Variants in KCNK1 observed in about 807,000 individuals in gnomAD.
KCNK1 encodes the protein potassium two pore domain channel subfamily K member 1.
Under a neutral mutation model 22.2 loss-of-function variants are expected in KCNK1, and 10 were observed. The observed-to-expected ratio is 0.45, with a 90% CI of 0.28 to 0.76. The LOEUF (loss-of-function observed/expected upper bound fraction) is 0.76, where lower values mean the gene tolerates loss of function less well. Ranked by LOEUF, KCNK1 falls within the 30% of genes least tolerant of loss-of-function variation. KCNK1 has a pLI of 0.14. For synonymous variants in KCNK1, 200 were observed against 186.4 expected (o/e 1.07, Z -0.60); for missense variants, 378 against 421.0 (o/e 0.90, Z 0.89).
intron 1 of KCNK1, among the ~76,000 whole-genome samples, chr1:233,663,359 C>T (rs994746664): frequency 6.6e-6 from 1 of 152,042 alleles, no homozygotes; most frequent in African/African-American, 2.4e-5. Context: ...GTCTTAGAGT[C>T]TTATAATGAT....
At chr1:233,662,238 C>T (rs148851492) in intron 1 of KCNK1, among the ~76,000 whole-genome samples, 13 of 149,572 alleles carry the variant, frequency 8.7e-5, no homozygotes, top group East Asian at 4.0e-4. Flanking sequence ...TTCTTCTTCT[C>T]CTTCTTCTTC....
chr1:233,643,635 CACCAGGTCTTAG>C (rs1308551928), intron 1 of KCNK1, among the ~76,000 whole-genome samples: 2 of 151,948 alleles, frequency 1.3e-5, no homozygotes, highest in Admixed American at 6.6e-5. Context: ...GTGGGCTGCC[CACCAGGTCTTAG>C]ACCAGGTTGG....
At chr1:233,643,373 C>CA (rs1658036350) in intron 1 of KCNK1, among the ~76,000 whole-genome samples, 1 of 152,132 alleles carries the variant, frequency 6.6e-6, no homozygotes, top group Admixed American at 6.5e-5. Flanking sequence ...CTGGTCCACT[C>CA]ACTACACTCT....
intron 1 of KCNK1, among the ~76,000 whole-genome samples, chr1:233,666,071 A>G (rs1658483566): frequency 6.6e-6 from 1 of 151,988 alleles, no homozygotes; most frequent in East Asian, 1.9e-4. Context: ...CTCTTACTGG[A>G]CTCATATTAT....
intron 1 of KCNK1, among the ~76,000 whole-genome samples, chr1:233,623,145 A>G (rs900827096): frequency 2.0e-5 from 3 of 152,184 alleles, no homozygotes; most frequent in Admixed American, 2.0e-4. Flanking sequence ...AGTTTTTCTA[A>G]TGCACTAACT....
intron 2 of KCNK1, among the ~76,000 whole-genome samples, chr1:233,670,520 T>A (rs753709477): frequency 6.6e-6 from 1 of 152,158 alleles, no homozygotes; most frequent in Non-Finnish European, 1.5e-5. Context: ...CTCACAATCA[T>A]GGTGGAAGGC....
chr1:233,626,487 C>A (rs1270884087), intron 1 of KCNK1, among the ~76,000 whole-genome samples: 1 of 152,120 alleles, frequency 6.6e-6, no homozygotes, highest in Non-Finnish European at 1.5e-5. Context: ...ACAGTGCCTT[C>A]TGTTGGTACA....
rs796774639 is a variant in KCNK1, at chr1:233,667,130, G to A, written c.751+140G>A. The A allele has an allele frequency of 6.9e-5, 39 of 563,904 alleles. No homozygotes were observed. In the African/African-American group the frequency reaches 7.0e-4, roughly 10 times the overall value. 34.9% of individuals were successfully genotyped at this position (563,904 alleles called of 1,614,324 possible). A position where few individuals can be genotyped will look rare whatever the true frequency, so the allele number is the denominator to read the frequency against. ...GCGATCTTGGCTCACTGCAACCTCC[G>A]CCTTCCGGGTTCAAGGGATTCTCTG... On this transcript the variant is annotated intron_variant, in intron 2 of 2. Transcript: ENST00000366621.
intron 1 of KCNK1, among the ~76,000 whole-genome samples, chr1:233,653,505 T>G (rs189993017): frequency 2.1e-4 from 32 of 152,294 alleles, no homozygotes; most frequent in Admixed American, 1.3e-3. Context: ...TGGAAGAGAT[T>G]AGCATTTGAA....
intron 1 of KCNK1, among the ~76,000 whole-genome samples, chr1:233,642,735 C>T (rs189830642): frequency 7.6e-4 from 116 of 152,104 alleles, no homozygotes; most frequent in African/African-American, 2.7e-3. Flanking sequence ...GCAATGAATT[C>T]GGGAAATCAT....
chr1:233,648,721 C>T (rs1471413877), intron 1 of KCNK1, among the ~76,000 whole-genome samples: 1 of 152,106 alleles, frequency 6.6e-6, no homozygotes, highest in Admixed American at 6.5e-5. Context: ...CGCGCACCAC[C>T]ACACCCGGCT....
intron 1 of KCNK1, among the ~76,000 whole-genome samples, chr1:233,659,582 T>C (rs1391886581): frequency 6.6e-6 from 1 of 151,402 alleles, no homozygotes; most frequent in Non-Finnish European, 1.5e-5. Context: ...ATACATACAC[T>C]ATAATCGTAT....
At chr1:233,627,357 A>G (rs914431205) in intron 1 of KCNK1, among the ~76,000 whole-genome samples, 17 of 152,228 alleles carry the variant, frequency 1.1e-4, no homozygotes, top group African/African-American at 2.4e-5. Flanking sequence ...CACATTCTTC[A>G]AATGTTTGAA....
chr1:233,614,143 CGTTGGCCTTGGCGGCGGCGGT>C lies in KCNK1; in HGVS notation c.-27_-7del. ...GGGCCGCGCTCCGGCCGGTCTGCGG[CGTTGGCCTTGGCGGCGGCGGT>C]GGAGAAGATGCTGCAGTCCCTGGCC... is the stretch of plus-strand genomic sequence containing the variant. On this transcript the variant is annotated 5_prime_UTR_variant, in exon 1 of 3. Coordinates refer to ENST00000366621, the MANE Select transcript of KCNK1 (RefSeq NM_002245.4). 6.6e-7 allele frequency: 1 copy of C among 1,515,364 alleles called. No individual in the cohort carries two copies. Among genetic ancestry groups the C allele is most frequent in the Non-Finnish European group, 8.8e-7 (1 of 1,135,252 alleles). 93.9% of individuals were successfully genotyped at this position (1,515,364 alleles called of 1,614,324 possible).
At position 233,641,047 on chromosome 1, in the gene KCNK1, C is replaced by T. The variant is rs188101833; in HGVS notation, c.356-25548C>T. ...TCTCATAGGCGATGCCCGAGGGTGT[C>T]GGTCTAAATTGGCATCTCTCTTAAA... is the stretch of plus-strand genomic sequence containing the variant. On this transcript the variant is annotated intron_variant, in intron 1 of 2. Transcript: ENST00000366621. Among the ~76,000 whole-genome samples the T allele has an allele frequency of 9.3e-4, 142 of 152,232 alleles. 1 individual carries two copies. The highest frequency in any genetic ancestry group is 1.5e-3 in the Non-Finnish European group (103 of 68,022).
intron 1 of KCNK1, chr1:233,637,488 A>G (rs112635076): frequency 6.6e-6 from 1 of 152,176 alleles, no homozygotes; most frequent in East Asian, 1.9e-4. Context: ...ATACATACCA[A>G]TTTTTCTGCC....
chr1:233,655,004 C>T (rs1204288348), intron 1 of KCNK1, among the ~76,000 whole-genome samples: 1 of 152,102 alleles, frequency 6.6e-6, no homozygotes, highest in Non-Finnish European at 1.5e-5. Context: ...CCCCAGCAGC[C>T]CCAGACCTGT....
chr1:233,655,980 C>A (rs1017985489), intron 1 of KCNK1, among the ~76,000 whole-genome samples: 2 of 151,824 alleles, frequency 1.3e-5, no homozygotes, highest in Non-Finnish European at 2.9e-5. Context: ...TGCTTCTCAT[C>A]ATTTTCAGTT....
chr1:233,671,746 T>G lies in KCNK1; in HGVS notation c.*216T>G. ...ATGTCTAATATGTGAGGAAATGAGA[T>G]GTCCACCTAAAATTCATATGTGACA... On this transcript the variant is annotated 3_prime_UTR_variant, in exon 3 of 3. Coordinates refer to ENST00000366621, the MANE Select transcript of KCNK1 (RefSeq NM_002245.4). 3.4e-6 allele frequency: 2 copies of G among 582,472 alleles called. No individual in the cohort carries two copies. Among genetic ancestry groups the G allele is most frequent in the Non-Finnish European group, 3.0e-6 (1 of 333,678 alleles). 36.1% of individuals were successfully genotyped at this position (582,472 alleles called of 1,614,324 possible).
Sources: gnomAD v4.1 joint callset for allele counts (sites outside exome capture counted in the v4.1 genomes callset) on GRCh38, gnomAD v4.1.1 for gene constraint, MANE v1.5 for transcripts, NCBI Gene and HGNC (gene_info 2026-07-23, HGNC 2026-07-21) for gene names.